The following CDH12 variants were observed in gnomAD, a reference collection of about 807,000 sequenced individuals.
CDH12 encodes the protein cadherin-12.
A neutral mutation model predicts 74.1 loss-of-function variants in CDH12; 41 were observed. The ratio of observed to expected loss-of-function variants is 0.55; its 90% CI spans 0.43 to 0.72. The LOEUF is 0.72. CDH12 is among the 30% of genes least tolerant of loss of function. The probability of loss-of-function intolerance (pLI) is 0.00; values close to 1 mark genes in which losing one functional copy is unlikely to be tolerated. For synonymous variants in CDH12, 399 were observed against 355.0 expected, an observed-to-expected ratio of 1.12 and a Z score of -1.39; for missense variants, 945 against 977.2, an observed-to-expected ratio of 0.97 and a Z score of 0.44.
chr5:22,437,132 G>GT (rs1375186090), intron 2 of CDH12, among the ~76,000 whole-genome samples: 1 of 151,746 alleles, frequency 6.6e-6, no homozygotes, highest in African/African-American at 2.4e-5. Flanking sequence ...TGTAATAAAT[G>GT]TTTAACGCAT....
intron 6 of CDH12, among the ~76,000 whole-genome samples, chr5:21,874,047 G>A (rs12332471): frequency 0.035 from 5,269 of 152,198 alleles, 291 homozygotes; most frequent in African/African-American, 0.11. Flanking sequence ...GCTATTGTGA[G>A]TGGTGCTGCA....
At chr5:22,612,143 TA>T (rs1737436849) in intron 1 of CDH12, among the ~76,000 whole-genome samples, 1 of 152,176 alleles carries the variant, frequency 6.6e-6, no homozygotes, top group African/African-American at 2.4e-5. Flanking sequence ...CATGTTTTTA[TA>T]AATGATCTTT....
intron 1 of CDH12, among the ~76,000 whole-genome samples, chr5:22,778,972 A>T (rs1455061302): frequency 1.3e-5 from 2 of 152,176 alleles, no homozygotes; most frequent in Non-Finnish European, 2.9e-5. Context: ...CAAGTAAAAG[A>T]TATAAAGGCT....
chr5:22,844,960 A>T (rs997565204), intron 1 of CDH12, among the ~76,000 whole-genome samples: 1 of 152,152 alleles, frequency 6.6e-6, no homozygotes, highest in Admixed American at 6.6e-5. Flanking sequence ...TGTTCTCTTC[A>T]TATAACAAAA....
intron 6 of CDH12, among the ~76,000 whole-genome samples, chr5:21,942,199 G>A (rs1755360530): frequency 6.6e-6 from 1 of 152,000 alleles, no homozygotes; most frequent in Non-Finnish European, 1.5e-5. Flanking sequence ...AGCCTCAAGA[G>A]AGTAGAAGCT....
intron 3 of CDH12, among the ~76,000 whole-genome samples, chr5:22,350,857 A>C (rs1740329266): frequency 6.6e-6 from 1 of 152,186 alleles, no homozygotes; most frequent in South Asian, 2.1e-4. Context: ...TGTTATGTTT[A>C]TAGGCAAAGG....
At chr5:22,574,110 C>T (rs1739668294) in intron 1 of CDH12, among the ~76,000 whole-genome samples, 1 of 115,922 alleles carries the variant, frequency 8.6e-6, no homozygotes, top group South Asian at 3.0e-4. Flanking sequence ...GATGGAGTCT[C>T]GCTCTGTCTC....
At chr5:22,822,086 C>T (rs1444492948) in intron 1 of CDH12, among the ~76,000 whole-genome samples, 4 of 152,116 alleles carry the variant, frequency 2.6e-5, no homozygotes, top group Non-Finnish European at 5.9e-5. Context: ...TGCATATCTA[C>T]AACTATCTGA....
chr5:22,271,937 A>G (rs1736420446), intron 3 of CDH12, among the ~76,000 whole-genome samples: 1 of 152,172 alleles, frequency 6.6e-6, no homozygotes, highest in Non-Finnish European at 1.5e-5. Context: ...TAAGAACCCT[A>G]GAATTTTTGG....
chr5:22,146,536 T>C (rs1272698581), intron 4 of CDH12, among the ~76,000 whole-genome samples: 1 of 152,156 alleles, frequency 6.6e-6, no homozygotes. Context: ...TTATGGCCTC[T>C]ACCCCATTAC....
At chr5:21,861,899 AGT>A (rs59953319) in intron 6 of CDH12, among the ~76,000 whole-genome samples, 1,921 of 147,800 alleles carry the variant, frequency 0.013, 41 homozygotes, top group African/African-American at 0.045. Context: ...GGTCATTTCT[AGT>A]GTGTGTGTGT....
Position 22,629,618 on chromosome 5 carries a change from A to G in CDH12, c.-522-124254T>C, listed in dbSNP as rs76513991. On this transcript the variant is annotated intron_variant, in intron 1 of 14. Coordinates refer to ENST00000382254, the MANE Select transcript of CDH12 (RefSeq NM_004061.5). ...CATTGAAAGAACATACTTTACAATA[A>G]TTAGATTCATCTATGGCAAACCCAC... is the stretch of plus-strand genomic sequence containing the variant. Among the ~76,000 whole-genome samples the G allele has an allele frequency of 9.6e-3, 1,465 of 152,278 alleles. 25 individuals are homozygous for G. Among genetic ancestry groups the G allele is most frequent in the African/African-American group, 0.034 (1,414 of 41,564 alleles).
chr5:22,337,404 G>T (rs1739641866), intron 3 of CDH12, among the ~76,000 whole-genome samples: 1 of 152,144 alleles, frequency 6.6e-6, no homozygotes, highest in Non-Finnish European at 1.5e-5. Context: ...TTGGCCCTGT[G>T]TCTCCACCCA....
In CDH12 at chr5:21,750,897, T is replaced by C. The variant is rs962605774; in HGVS notation, c.*840A>G. The C allele has an allele frequency of 6.6e-6, 1 of 151,978 alleles. No homozygotes were observed. Among genetic ancestry groups the C allele is most frequent in the African/African-American group, 2.4e-5 (1 of 41,434 alleles). 9.4% of individuals were successfully genotyped at this position (151,978 alleles called of 1,614,324 possible). A position where few individuals can be genotyped will look rare whatever the true frequency, so the allele number is the denominator to read the frequency against. On this transcript the variant is annotated 3_prime_UTR_variant, in exon 15 of 15. Transcript: ENST00000382254. ...TAAGCAAAACCAATATTTATTTTAATGTGTAATTTGAGCCCTGAGGCCTCT... is the reference window on the plus strand; with the variant it reads ...TAAGCAAAACCAATATTTATTTTAACGTGTAATTTGAGCCCTGAGGCCTCT...
At chr5:22,394,669 T>C (rs111779418) in intron 3 of CDH12, among the ~76,000 whole-genome samples, 2 of 152,138 alleles carry the variant, frequency 1.3e-5, no homozygotes, top group African/African-American at 2.4e-5. Flanking sequence ...AACCTTTTCA[T>C]TGTTTACAAT....
chr5:21,753,765 T>C (rs1437905800), intron 14 of CDH12, among the ~76,000 whole-genome samples: 2 of 152,166 alleles, frequency 1.3e-5, no homozygotes, highest in Non-Finnish European at 2.9e-5. Context: ...TGGAAGTATT[T>C]GGATAAATGA....
intron 1 of CDH12, among the ~76,000 whole-genome samples, chr5:22,804,126 C>G (rs1748665512): frequency 6.6e-6 from 1 of 151,996 alleles, no homozygotes; most frequent in South Asian, 2.1e-4. Flanking sequence ...CATGACATTT[C>G]AAGTTTTTTT....
At chr5:22,276,905 G>A (rs1235461677) in intron 3 of CDH12, among the ~76,000 whole-genome samples, 2 of 152,176 alleles carry the variant, frequency 1.3e-5, no homozygotes, top group African/African-American at 4.8e-5. Flanking sequence ...AACCTATGGA[G>A]TAGGTTACAA....
intron 1 of CDH12, among the ~76,000 whole-genome samples, chr5:22,751,357 T>A (rs1553998501): frequency 2.2e-5 from 3 of 139,318 alleles, no homozygotes; most frequent in African/African-American, 7.8e-5. Context: ...TATATATATA[T>A]AATATCTACA....
Sources: gnomAD v4.1 joint callset for allele counts (sites outside exome capture counted in the v4.1 genomes callset) on GRCh38, gnomAD v4.1.1 for gene constraint, MANE v1.5 for transcripts, NCBI Gene and HGNC (gene_info 2026-07-23, HGNC 2026-07-21) for gene names.